The following WWOX variants were observed in gnomAD, a reference collection of about 807,000 sequenced individuals.
The protein encoded by WWOX is WW domain containing oxidoreductase.
WWOX carries 69 observed loss-of-function variants against 46.2 expected under a neutral mutation model. That is an observed-to-expected ratio of 1.49 (90% confidence interval 1.23 to 1.82). WWOX has a LOEUF of 1.82. Among genes scored for constraint, WWOX ranks in the 40% most tolerant of loss-of-function variants. The probability of loss-of-function intolerance (pLI) is 0.00; values close to 1 mark genes in which losing one functional copy is unlikely to be tolerated. For synonymous variants in WWOX, 359 were observed against 202.6 expected, an observed-to-expected ratio of 1.77 and a Z score of -6.56; for missense variants, 919 against 542.6, an observed-to-expected ratio of 1.69 and a Z score of -6.89.
chr16:78,860,865 C>G (rs1447596255), intron 8 of WWOX, among the ~76,000 whole-genome samples: 2 of 152,174 alleles, frequency 1.3e-5, no homozygotes, highest in East Asian at 1.9e-4. Flanking sequence ...GAGATAGGGT[C>G]TCACTCTGTC....
At chr16:78,856,253 G>C (rs2052563821) in intron 8 of WWOX, among the ~76,000 whole-genome samples, 1 of 152,196 alleles carries the variant, frequency 6.6e-6, no homozygotes, top group South Asian at 2.1e-4. Context: ...AAAGGGCCTT[G>C]CAACAGGCCT....
At chr16:78,782,637 T>G (rs1472251573) in intron 8 of WWOX, among the ~76,000 whole-genome samples, 1 of 151,850 alleles carries the variant, frequency 6.6e-6, no homozygotes, top group Non-Finnish European at 1.5e-5. Flanking sequence ...CTTTTACCTT[T>G]CTTTCTTTCC....
chr16:79,057,204 A>T (rs556382173), intron 8 of WWOX, among the ~76,000 whole-genome samples: 1 of 152,034 alleles, frequency 6.6e-6, no homozygotes, highest in South Asian at 2.1e-4. Context: ...TTAATGGTTG[A>T]GACAAGAATT....
intron 8 of WWOX, among the ~76,000 whole-genome samples, chr16:78,536,110 A>T (rs1218755456): frequency 1.3e-5 from 2 of 152,144 alleles, no homozygotes; most frequent in Non-Finnish European, 2.9e-5. Context: ...GTAAGCATTC[A>T]TTAAGTGTTC....
At chr16:78,917,464 T>C (rs1191528449) in intron 8 of WWOX, among the ~76,000 whole-genome samples, 6 of 151,830 alleles carry the variant, frequency 4.0e-5, no homozygotes, top group Non-Finnish European at 7.4e-5. Flanking sequence ...GGTAGCTACC[T>C]ACCCCGAGAG....
At chr16:78,931,643 A>G (rs1234143522) in intron 8 of WWOX, among the ~76,000 whole-genome samples, 1 of 152,230 alleles carries the variant, frequency 6.6e-6, no homozygotes, top group Non-Finnish European at 1.5e-5. Flanking sequence ...AGTGCAGAAT[A>G]TGCAGTCATG....
rs1466436517 is a variant in WWOX, at chr16:78,710,670, A to C, written c.1056+277918A>C. 2.7e-5 allele frequency among the ~76,000 whole-genome samples: 4 copies of C among 150,842 alleles called. No individual in the cohort carries two copies. The Admixed American group carries it at 2.7e-4, about 10-fold the overall frequency. ...TGCTCTGTCACTCAGGCTGGAGTGC[A>C]GTGGCGTGATCATGGCTCACTGTAG... On this transcript the variant is annotated intron_variant, in intron 8 of 8. Transcript: ENST00000566780.
At chr16:78,448,583 C>G (rs1174778166) in intron 8 of WWOX, among the ~76,000 whole-genome samples, 1 of 152,060 alleles carries the variant, frequency 6.6e-6, no homozygotes, top group Non-Finnish European at 1.5e-5. Context: ...GCAGTACAGG[C>G]TTTATTCAAT....
chr16:78,278,546 T>G, intron 5 of WWOX: 1 of 1,526,922 alleles, frequency 6.5e-7, no homozygotes, highest in Admixed American at 1.7e-5. Flanking sequence ...AAGAAACAGT[T>G]CTATGTTGTT....
chr16:78,680,478 C>T, intron 8 of WWOX, among the ~76,000 whole-genome samples: 1 of 152,106 alleles, frequency 6.6e-6, no homozygotes, highest in Non-Finnish European at 1.5e-5. Flanking sequence ...GAGGCATGAT[C>T]ATGCCACTTC....
chr16:78,479,780 G>C (rs1479533947), intron 8 of WWOX, among the ~76,000 whole-genome samples: 1 of 152,168 alleles, frequency 6.6e-6, no homozygotes, highest in Non-Finnish European at 1.5e-5. Context: ...AGGATTCATG[G>C]AGTTTTCCAA....
chr16:78,754,889 A>G (rs528973561), intron 8 of WWOX, among the ~76,000 whole-genome samples: 1 of 152,226 alleles, frequency 6.6e-6, no homozygotes, highest in Admixed American at 6.5e-5. Flanking sequence ...TGTGTCCTGC[A>G]CTGTCCATTA....
chr16:79,074,990 A>G (rs1057000622), intron 8 of WWOX, among the ~76,000 whole-genome samples: 1 of 152,232 alleles, frequency 6.6e-6, no homozygotes, highest in African/African-American at 2.4e-5. Context: ...ACTTCTACAC[A>G]TTCGACTATT....
chr16:78,927,159 G>T (rs2045517238), intron 8 of WWOX, among the ~76,000 whole-genome samples: 1 of 152,206 alleles, frequency 6.6e-6, no homozygotes. Context: ...GTTTTCTCCT[G>T]TATAAAATGG....
intron 8 of WWOX, among the ~76,000 whole-genome samples, chr16:78,812,520 G>A (rs2142711987): frequency 6.6e-6 from 1 of 152,062 alleles, no homozygotes; most frequent in East Asian, 1.9e-4. Context: ...TCAGGAGTTC[G>A]AGACCAGCCT....
At chr16:79,156,275 C>T (rs780779300) in intron 8 of WWOX, among the ~76,000 whole-genome samples, 6 of 152,176 alleles carry the variant, frequency 3.9e-5, no homozygotes, top group South Asian at 2.1e-4. Flanking sequence ...AATCCTCCCA[C>T]GTCAACCTCC....
At chr16:78,751,023 A>G (rs1320430501) in intron 8 of WWOX, among the ~76,000 whole-genome samples, 1 of 152,144 alleles carries the variant, frequency 6.6e-6, no homozygotes, top group African/African-American at 2.4e-5. Context: ...TAAGATTGCT[A>G]GGTCAAATGG....
Position 79,211,466 on chromosome 16 carries a change from C to G in WWOX, c.1057-142C>G, listed in dbSNP as rs16949964. 2.7e-3 allele frequency: 2,824 copies of G among 1,029,656 alleles called. 52 individuals carry two copies. The African/African-American group carries it at 0.04, about 15-fold the overall frequency. The allele number at this position is 1,029,656 out of a possible 1,614,324, so 63.8% of individuals were successfully genotyped here. Reference sequence around the variant, plus strand: ...ACTTTTTACAGTCATGTGCTTTCAGCCCAGTACCCTTTGCTATGCCAAGAT... The same window carrying G: ...ACTTTTTACAGTCATGTGCTTTCAGGCCAGTACCCTTTGCTATGCCAAGAT... On this transcript the variant is annotated intron_variant, in intron 8 of 8. Coordinates refer to ENST00000566780, the MANE Select transcript of WWOX (RefSeq NM_016373.4).
intron 8 of WWOX, among the ~76,000 whole-genome samples, chr16:79,157,406 TC>T (rs1169413205): frequency 9.3e-5 from 14 of 150,746 alleles, no homozygotes; most frequent in African/African-American, 3.4e-4. Context: ...CTCAGTTTTT[TC>T]ATTTATACAA....
Sources: gnomAD v4.1 joint callset for allele counts (sites outside exome capture counted in the v4.1 genomes callset) on GRCh38, gnomAD v4.1.1 for gene constraint, MANE v1.5 for transcripts, NCBI Gene and HGNC (gene_info 2026-07-23, HGNC 2026-07-21) for gene names.